The following TTN variants were observed in gnomAD, a reference collection of about 807,000 sequenced individuals.
TTN encodes the protein connectin.
Under a neutral mutation model 3,223.0 loss-of-function variants are expected in TTN, and 1,525 were observed. That is an observed-to-expected ratio of 0.47 (90% CI 0.45 to 0.49). The LOEUF is 0.49. Among genes scored for constraint, TTN ranks in the 20% least tolerant of loss-of-function variants. The pLI is 0.00. For synonymous variants in TTN, 14,094 were observed against 15,161.0 expected, an observed-to-expected ratio of 0.93 and a Z score of 5.17; for missense variants, 40,786 against 43,424.0, an observed-to-expected ratio of 0.94 and a Z score of 5.40.
rs766871366 is a variant in TTN at position 178,632,140 on chromosome 2, C to T, written c.43747+7G>A. On this transcript the variant is annotated splice_region_variant and intron_variant, in intron 236 of 362. Transcript: ENST00000589042. ...TGCAGTAAAATTAAAATTTAAAAAG[C>T]ACTTACCAAGCACAGTGAGTTTAGC... The T allele has an allele frequency of 2.5e-6, 4 of 1,570,936 alleles. No homozygotes were observed. The South Asian group carries it at 3.6e-5, about 14-fold the overall frequency.
Position 178,601,262 on chromosome 2 carries a change from T to C in TTN, c.55732+3A>G, listed in dbSNP as rs2154192792. 1 of 1,534,642 alleles carries C rather than the reference T, an allele frequency of 6.5e-7. No homozygotes were observed. On this transcript the variant is annotated splice_donor_region_variant and intron_variant, in intron 287 of 362. Coordinates refer to ENST00000589042, the MANE Select transcript of TTN (RefSeq NM_001267550.2). ...TATTTTAAATTTAGATTTTAAAGCT[T>C]ACATATCGGATCTCTGGCAGTGGTC...
rs2154183318 is a variant in TTN, at chr2:178,588,743, A to G, written c.62982T>C (p.Ser20994=). 2 of 1,613,300 alleles carry G rather than the reference A, an allele frequency of 1.2e-6. No individual in the cohort carries two copies. Among genetic ancestry groups the G allele is most frequent in the African/African-American group, 1.3e-5 (1 of 74,992 alleles). Residue 20994 remains serine (S), a synonymous_variant, in exon 304 of 363, where the codon TCT becomes TCC. Coordinates refer to ENST00000589042, the MANE Select transcript of TTN (RefSeq NM_001267550.2). ...WNPPEYDGGK[S]ITGYFLEKKE... is the part of the protein sequence containing the mutation. Reference sequence around the variant, plus strand: ...TTTTCTCCAAAAAGTATCCAGTTATAGACTTTCCACCATCATATTCAGGTG... The same window carrying G: ...TTTTCTCCAAAAAGTATCCAGTTATGGACTTTCCACCATCATATTCAGGTG...
At chr2:178,626,365 T>G (rs1355242802) in intron 240 of TTN, among the ~76,000 whole-genome samples, 1 of 151,966 alleles carries the variant, frequency 6.6e-6, no homozygotes, top group Non-Finnish European at 1.5e-5. Context: ...GTGCGACAGA[T>G]AGGGGTCATT....
intron 157 of TTN, 129 bp downstream of exon 157, chr2:178,670,089 A>G: frequency 1.7e-6 from 1 of 573,568 alleles, no homozygotes; most frequent in Non-Finnish European, 2.8e-6. Context: ...GGATTATGTT[A>G]TAGAACATAA....
At chr2:178,718,999 G>C (rs902266675) in intron 83 of TTN, 26 bp from the exon 84 acceptor site, 2 of 1,549,848 alleles carry the variant, frequency 1.3e-6, no homozygotes, top group East Asian at 2.3e-5. Flanking sequence ...CGGAAGGGGA[G>C]ATAAAGAGAA....
At position 178,751,111 on chromosome 2, in the gene TTN, A is replaced by T. The variant is rs1561033106; in HGVS notation, c.11311+2013T>A. 6 of 1,612,876 alleles carry T rather than the reference A, an allele frequency of 3.7e-6. No homozygotes were observed. The South Asian group carries it at 6.6e-5, about 18-fold the overall frequency. ...TTTGCACAATACTCTCAGCTGAATG[A>T]TCTACCTTATAACTTTCAGCTAGAT... On this transcript the variant is annotated intron_variant, in intron 47 of 362. Transcript: ENST00000589042.
At position 178,534,984 on chromosome 2, in the gene TTN, G is replaced by T. The variant is rs755256603; in HGVS notation, c.101631C>A (p.His33877Gln). The change falls in exon 358 of 363, where the codon CAC becomes CAA. Residue 33877 changes from histidine to glutamine, a missense_variant. Physicochemically the swap from His to Gln is conservative, Grantham distance 24. Transcript: ENST00000589042. Reference protein sequence around the residue: ...LNIARHRNILHLHESFESMEE... With the variant: ...LNIARHRNILQLHESFESMEE... ...CCATGCTTTCAAATGATTCATGGAGGTGTAAGATGTTTCTATGCCTAGCAA... is the reference window on the plus strand; with the variant it reads ...CCATGCTTTCAAATGATTCATGGAGTTGTAAGATGTTTCTATGCCTAGCAA... The T allele has an allele frequency of 1.2e-6, 2 of 1,613,590 alleles. No individual in the cohort carries two copies. The highest frequency in any genetic ancestry group is 1.1e-5 in the South Asian group (1 of 91,084).
Position 178,696,144 on chromosome 2 carries a change from TCTC to T in TTN, c.30925_30927del (p.Glu10309del), listed in dbSNP as rs531755049. The T allele has an allele frequency of 6.3e-5, 98 of 1,553,414 alleles. 1 individual carries two copies. The South Asian group carries it at 1.0e-3, about 17-fold the overall frequency. ...TCGAAAGATTCAATGAAGACTCTCT[TCTC>T]CTTGTGGACTGCTTGCTTTTTCTCA... is the stretch of plus-strand genomic sequence containing the variant. On this transcript the variant is annotated inframe_deletion, in exon 114 of 363. Coordinates refer to ENST00000589042, the MANE Select transcript of TTN (RefSeq NM_001267550.2).
chr2:178,713,825 C>T (rs1307950394), intron 92 of TTN, 72 bp downstream of exon 92: 1 of 1,542,464 alleles, frequency 6.5e-7, no homozygotes, highest in African/African-American at 1.4e-5. Flanking sequence ...ATGTAACAAC[C>T]CATATACATT....
chr2:178,640,907 T>C (rs1261811373), intron 220 of TTN, among the ~76,000 whole-genome samples: 3 of 151,938 alleles, frequency 2.0e-5, no homozygotes, highest in African/African-American at 7.2e-5. Context: ...AGGCTAATGA[T>C]AAAAACCAAC....
Position 178,529,064 on chromosome 2 carries a change from G to T in TTN, c.106687C>A (p.Leu35563Ile). The T allele has an allele frequency of 6.2e-7, 1 of 1,613,584 alleles. No individual in the cohort carries two copies. Among genetic ancestry groups the T allele is most frequent in the Non-Finnish European group, 8.5e-7 (1 of 1,179,804 alleles). The change falls in exon 360 of 363, where the codon CTC becomes ATC. Residue 35563 changes from leucine to isoleucine, a missense_variant. By Grantham distance (5) the Leu-to-Ile change is conservative. Transcript: ENST00000589042. ...SEAKSQEKLALKEEASKVLIS... is the reference protein window; with the variant it reads ...SEAKSQEKLAIKEEASKVLIS... ...AGAACCTTTGAAGCTTCCTCTTTGA[G>T]GGCTAACTTTTCTTGAGATTTTGCC... is the stretch of plus-strand genomic sequence containing the variant.
chr2:178,617,403 A>G lies in TTN; in HGVS notation c.47682T>C (p.Tyr15894=). The G allele has an allele frequency of 3.8e-6, 6 of 1,591,040 alleles. No homozygotes were observed. The highest frequency in any genetic ancestry group is 5.1e-6 in the Non-Finnish European group (6 of 1,171,678). ...LKDGGSPILG[Y]IIERCEEGKD... is the part of the protein sequence containing the mutation. Reference sequence around the variant, plus strand: ...TTCCTTCTTCGCATCGCTCAATTATATAGCCTAATATTGGGCTTCCTCCAT... The same window carrying G: ...TTCCTTCTTCGCATCGCTCAATTATGTAGCCTAATATTGGGCTTCCTCCAT... Residue 15894 remains tyrosine, a synonymous_variant, in exon 254 of 363, where the codon TAT becomes TAC. Coordinates refer to ENST00000589042, the MANE Select transcript of TTN (RefSeq NM_001267550.2).
At chr2:178,800,223 C>T (rs555806292) in intron 4 of TTN, among the ~76,000 whole-genome samples, 172 bp downstream of exon 4, 2 of 152,124 alleles carry the variant, frequency 1.3e-5, no homozygotes, top group African/African-American at 4.8e-5. Flanking sequence ...TTCTATTCTG[C>T]GCTCCTGACT....
Position 178,534,237 on chromosome 2 carries a change from A to G in TTN, c.102378T>C (p.Ala34126=). 1.2e-6 allele frequency: 2 copies of G among 1,613,988 alleles called. No homozygotes were observed. Among genetic ancestry groups the G allele is most frequent in the South Asian group, 2.2e-5 (2 of 91,084 alleles). Residue 34126 remains alanine (A), a synonymous_variant, in exon 358 of 363, where the codon GCT becomes GCC. Coordinates refer to ENST00000589042, the MANE Select transcript of TTN (RefSeq NM_001267550.2). ...AIRSQKGVSV[A]KVKVASIEIG... ...TTTCAATGGATGCCACTTTAACTTT[A>G]GCAACACTCACTCCCTTCTGAGATC...
rs540314973 is a variant in TTN at position 178,721,920 on chromosome 2, G to C, written c.22743C>G (p.Asp7581Glu). Residue 7581 changes from aspartate to glutamate, a missense_variant, in exon 78 of 363, where the codon GAC becomes GAG. Physicochemically the swap from Asp to Glu is conservative, Grantham distance 45. Coordinates refer to ENST00000589042, the MANE Select transcript of TTN (RefSeq NM_001267550.2). ...HLRILKVGKGDSGQYTCQATN... is the reference protein window; with the variant it reads ...HLRILKVGKGESGQYTCQATN... ...TTGCTTGGCAAGTATATTGACCAGA[G>C]TCTCCTTTGCCTACTTTAAGAATTC... 4 of 1,613,504 alleles carry C rather than the reference G, an allele frequency of 2.5e-6. No homozygotes were observed. Among genetic ancestry groups the C allele is most frequent in the Admixed American group, 3.3e-5 (2 of 59,998 alleles).
At chr2:178,751,464 G>C in intron 47 of TTN, 1 of 1,613,134 alleles carries the variant, frequency 6.2e-7, no homozygotes, top group Non-Finnish European at 8.5e-7. Flanking sequence ...TCCACATCTT[G>C]TTTTTTGTTA....
chr2:178,704,349 G>A lies in TTN; in HGVS notation c.30021C>T (p.Thr10007=). ...DVTLKEGQTC[T]MTCQFSVPNV... is the part of the protein sequence containing the mutation. ...TTGGTACAGAAAATTGGCATGTCAT[G>A]GTGCAAGTCTGGCCTTCTTTCAGAG... Residue 10007 remains threonine, a synonymous_variant, in exon 106 of 363, where the codon ACC becomes ACT. Transcript: ENST00000589042. 1 of 1,614,000 alleles carries A rather than the reference G, an allele frequency of 6.2e-7. No individual in the cohort carries two copies. Among genetic ancestry groups the A allele is most frequent in the Non-Finnish European group, 8.5e-7 (1 of 1,179,866 alleles).
In TTN at chr2:178,745,623, C is replaced by A. The variant is rs1290199802; in HGVS notation, c.11312-3702G>T. 3.1e-6 allele frequency: 5 copies of A among 1,612,784 alleles called. No individual in the cohort carries two copies. In the Admixed American group the frequency reaches 8.3e-5, roughly 27 times the overall value. On this transcript the variant is annotated intron_variant, in intron 47 of 362. Transcript: ENST00000589042. ...AGTGCTGCAAAGCTCTCAGCCATTC[C>A]TGATTTGTTTGTAGCTACACACCTA...
At position 178,572,168 on chromosome 2, in the gene TTN, A is replaced by G. The variant is rs1575757808; in HGVS notation, c.73964T>C (p.Met24655Thr). 6.2e-7 allele frequency: 1 copy of G among 1,613,436 alleles called. No homozygotes were observed. Among genetic ancestry groups the G allele is most frequent in the Non-Finnish European group, 8.5e-7 (1 of 1,179,626 alleles). Residue 24655 changes from methionine to threonine, a missense_variant, in exon 326 of 363, where the codon ATG (methionine) becomes ACG (threonine). Coordinates refer to ENST00000589042, the MANE Select transcript of TTN (RefSeq NM_001267550.2). ...CCATTTGTCACTGCCTTTGGTCTGC[A>G]TCTCCACAATGTAGCCTAGAATTCG... ...GSRILGYIVE[M>T]QTKGSDKWAT...
Sources: gnomAD v4.1 joint callset for allele counts (sites outside exome capture counted in the v4.1 genomes callset) on GRCh38, gnomAD v4.1.1 for gene constraint, MANE v1.5 for transcripts, NCBI Gene and HGNC (gene_info 2026-07-23, HGNC 2026-07-21) for gene names.